The following SORCS3 variants were observed in gnomAD, a reference collection of about 807,000 sequenced individuals.
SORCS3 encodes sortilin related VPS10 domain containing receptor 3, also known as VPS10 domain-containing receptor SorCS3.
In SORCS3, 57 loss-of-function variants were observed where a neutral mutation model predicts 146.3. The observed-to-expected ratio is 0.39, with a 90% CI of 0.31 to 0.49. The LOEUF is 0.49. Among genes scored for constraint, SORCS3 ranks in the 20% least tolerant of loss-of-function variants. SORCS3 has a pLI of 0.92. For missense variants in SORCS3, 1,341 were observed against 1,575.5 expected (o/e 0.85, Z 2.52); for synonymous variants, 653 against 618.5 (o/e 1.06, Z -0.83).
chr10:104,732,545 C>T (rs1158207338), intron 1 of SORCS3, among the ~76,000 whole-genome samples: 1 of 152,146 alleles, frequency 6.6e-6, no homozygotes, highest in African/African-American at 2.4e-5. Flanking sequence ...GCTGTGCCCC[C>T]AAGGGGGTGG....
At chr10:104,792,830 G>T (rs2017510203) in intron 1 of SORCS3, among the ~76,000 whole-genome samples, 1 of 151,806 alleles carries the variant, frequency 6.6e-6, no homozygotes, top group South Asian at 2.1e-4. Flanking sequence ...GAAGACTGTG[G>T]GAGTCTCATT....
intron 5 of SORCS3, among the ~76,000 whole-genome samples, chr10:105,049,524 C>G (rs1221318305): frequency 1.3e-5 from 2 of 152,072 alleles, no homozygotes; most frequent in African/African-American, 4.8e-5. Flanking sequence ...ACATTCCTTA[C>G]AACATGGAGG....
intron 16 of SORCS3, among the ~76,000 whole-genome samples, chr10:105,205,495 G>T (rs1053931818): frequency 2.6e-5 from 4 of 152,102 alleles, no homozygotes; most frequent in African/African-American, 9.7e-5. Context: ...CCATCATGGC[G>T]CTGGAGAAGG....
intron 1 of SORCS3, among the ~76,000 whole-genome samples, chr10:104,663,048 C>T (rs1370247506): frequency 6.6e-6 from 1 of 152,204 alleles, no homozygotes; most frequent in African/African-American, 2.4e-5. Context: ...GAAGCCCACA[C>T]TGCCGTCTCT....
intron 2 of SORCS3, among the ~76,000 whole-genome samples, chr10:104,911,364 G>T (rs191679454): frequency 6.6e-6 from 1 of 152,358 alleles, no homozygotes; most frequent in African/African-American, 2.4e-5. Flanking sequence ...GACATAGAGG[G>T]TGTCCTTTGT....
At chr10:105,154,713 C>T (rs552382946) in intron 9 of SORCS3, among the ~76,000 whole-genome samples, 14 of 152,120 alleles carry the variant, frequency 9.2e-5, no homozygotes, top group Non-Finnish European at 2.1e-4. Flanking sequence ...AGTGAGGGTG[C>T]GTAGTCTTCA....
chr10:104,663,253 A>G lies in SORCS3; in HGVS notation c.627+21299A>G, dbSNP rs542241049. 9.1e-4 allele frequency among the ~76,000 whole-genome samples: 139 copies of G among 152,282 alleles called. 2 individuals carry two copies. The highest frequency in any genetic ancestry group is 3.1e-3 in the African/African-American group (127 of 41,562). ...GGAAAAAAGCAACCACCAACACCAC[A>G]CAAACTCCGTAACAACTGCTGTCTA... On this transcript the variant is annotated intron_variant, in intron 1 of 26. Coordinates refer to ENST00000369701, the MANE Select transcript of SORCS3 (RefSeq NM_014978.3).
chr10:105,069,919 A>T (rs1196990668), intron 5 of SORCS3, among the ~76,000 whole-genome samples: 3 of 152,080 alleles, frequency 2.0e-5, no homozygotes, highest in Non-Finnish European at 4.4e-5. Flanking sequence ...CCCCGATCCC[A>T]ACCTATCCCC....
chr10:104,734,627 A>G lies in SORCS3; in HGVS notation c.627+92673A>G, dbSNP rs139678169. ...TGCAGGCATGATGGCTTTATCAATC[A>G]TCATAGTGAGAATGAGTCATGAGGG... On this transcript the variant is annotated intron_variant, in intron 1 of 26. Coordinates refer to ENST00000369701, the MANE Select transcript of SORCS3 (RefSeq NM_014978.3). Among the ~76,000 whole-genome samples, 40 of 152,280 alleles carry G rather than the reference A, an allele frequency of 2.6e-4. No individual in the cohort carries two copies. In the East Asian group the frequency reaches 5.8e-3, roughly 22 times the overall value.
At chr10:105,153,196 G>C (rs117125716) in intron 9 of SORCS3, among the ~76,000 whole-genome samples, 2,665 of 152,118 alleles carry the variant, frequency 0.018, 42 homozygotes, top group Non-Finnish European at 0.029. Context: ...TAGAGGGTGA[G>C]TAAATGGAAT....
At chr10:105,053,022 T>C (rs1172513576) in intron 5 of SORCS3, among the ~76,000 whole-genome samples, 1 of 152,098 alleles carries the variant, frequency 6.6e-6, no homozygotes, top group Non-Finnish European at 1.5e-5. Flanking sequence ...GGTGCCAGCA[T>C]GGTTGGTTTC....
chr10:104,945,931 A>G (rs576894847), intron 3 of SORCS3, among the ~76,000 whole-genome samples: 31 of 151,976 alleles, frequency 2.0e-4, no homozygotes, highest in African/African-American at 7.2e-4. Flanking sequence ...AAGACATTTG[A>G]TATGATTTTA....
chr10:105,234,848 C>G (rs1190893997), intron 20 of SORCS3, among the ~76,000 whole-genome samples: 1 of 151,900 alleles, frequency 6.6e-6, no homozygotes, highest in Non-Finnish European at 1.5e-5. Context: ...TTGCAACATC[C>G]CTGTTGTATC....
intron 6 of SORCS3, among the ~76,000 whole-genome samples, chr10:105,094,376 C>T (rs1050679537): frequency 1.3e-5 from 2 of 152,304 alleles, no homozygotes; most frequent in East Asian, 1.9e-4. Flanking sequence ...ATTAAAAATA[C>T]TAAAATTAAT....
intron 14 of SORCS3, among the ~76,000 whole-genome samples, chr10:105,183,377 T>C (rs2056454615): frequency 6.6e-6 from 1 of 152,216 alleles, no homozygotes; most frequent in East Asian, 1.9e-4. Flanking sequence ...TTTTTTCTTT[T>C]TTTAAATGAA....
intron 1 of SORCS3, among the ~76,000 whole-genome samples, chr10:104,724,701 C>A (rs1419940417): frequency 6.6e-6 from 1 of 152,154 alleles, no homozygotes. Context: ...CTCTAAACTT[C>A]TCTTCTTGCT....
intron 5 of SORCS3, among the ~76,000 whole-genome samples, chr10:105,059,765 C>T (rs1309437925): frequency 6.6e-6 from 1 of 152,176 alleles, no homozygotes; most frequent in African/African-American, 2.4e-5. Flanking sequence ...TCTGTCATTG[C>T]ACTGTAGCTG....
At chr10:105,036,013 A>T (rs974226862) in intron 4 of SORCS3, among the ~76,000 whole-genome samples, 2 of 152,066 alleles carry the variant, frequency 1.3e-5, no homozygotes, top group African/African-American at 4.8e-5. Context: ...AATCCTTTAG[A>T]TGACCTTGTT....
At chr10:104,866,771 A>G (rs764999751) in intron 2 of SORCS3, among the ~76,000 whole-genome samples, 8 of 152,110 alleles carry the variant, frequency 5.3e-5, no homozygotes, top group Non-Finnish European at 1.2e-4. Flanking sequence ...TTCATATTTT[A>G]TGGTTCACTT....
Sources: gnomAD v4.1 joint callset for allele counts (sites outside exome capture counted in the v4.1 genomes callset) on GRCh38, gnomAD v4.1.1 for gene constraint, MANE v1.5 for transcripts, NCBI Gene and HGNC (gene_info 2026-07-23, HGNC 2026-07-21) for gene names.